The following SORCS1 variants were observed in gnomAD, a reference collection of about 807,000 sequenced individuals.
SORCS1 encodes VPS10 domain-containing receptor SorCS1.
In SORCS1, 60 loss-of-function variants were observed where a neutral mutation model predicts 146.1. The ratio of observed to expected loss-of-function variants is 0.41; its 90% CI spans 0.33 to 0.51. The LOEUF (loss-of-function observed/expected upper bound fraction) is 0.51, where lower values mean the gene tolerates loss of function less well. Ranked by LOEUF, SORCS1 falls within the 20% of genes least tolerant of loss-of-function variation. The probability of loss-of-function intolerance (pLI) is 0.21; values close to 1 mark genes in which losing one functional copy is unlikely to be tolerated. For missense variants in SORCS1, 1,352 were observed against 1,487.6 expected, an observed-to-expected ratio of 0.91 and a Z score of 1.50; for synonymous variants, 637 against 584.0, an observed-to-expected ratio of 1.09 and a Z score of -1.31.
intron 18 of SORCS1, among the ~76,000 whole-genome samples, chr10:106,632,595 C>T (rs906949243): frequency 1.3e-5 from 2 of 152,202 alleles, no homozygotes; most frequent in African/African-American, 4.8e-5. Context: ...TATTTATTGA[C>T]TGTCTATCTC....
At chr10:106,722,314 A>G (rs1855843098) in intron 6 of SORCS1, among the ~76,000 whole-genome samples, 1 of 152,050 alleles carries the variant, frequency 6.6e-6, no homozygotes, top group Non-Finnish European at 1.5e-5. Context: ...TACCTCCCCA[A>G]AGCATTTCAG....
intron 18 of SORCS1, among the ~76,000 whole-genome samples, chr10:106,638,594 G>T (rs1848867239): frequency 1.3e-5 from 2 of 152,162 alleles, no homozygotes; most frequent in Non-Finnish European, 2.9e-5. Flanking sequence ...GCATTATGCA[G>T]TCAATATGTT....
chr10:106,911,912 A>AC (rs1952178181), intron 2 of SORCS1, among the ~76,000 whole-genome samples: 1 of 152,070 alleles, frequency 6.6e-6, no homozygotes, highest in South Asian at 2.1e-4. Flanking sequence ...GGAGATCAAG[A>AC]CCATCCTGGC....
At chr10:106,639,079 G>A (rs561237845) in intron 18 of SORCS1, among the ~76,000 whole-genome samples, 75 of 152,294 alleles carry the variant, frequency 4.9e-4, no homozygotes, top group Admixed American at 2.6e-3. Flanking sequence ...GCTGTCATAG[G>A]TAGAGACTTA....
chr10:106,843,828 G>A (rs192758880), intron 2 of SORCS1, among the ~76,000 whole-genome samples: 10 of 152,194 alleles, frequency 6.6e-5, no homozygotes, highest in East Asian at 1.9e-4. Flanking sequence ...GGTTGTTTCC[G>A]TATCTTGGCT....
chr10:106,739,635 G>A (rs60016919), intron 5 of SORCS1, among the ~76,000 whole-genome samples: 4,633 of 151,636 alleles, frequency 0.031, 211 homozygotes, highest in African/African-American at 0.11. Flanking sequence ...ATGAAACCCC[G>A]TCTCTACTAA....
intron 3 of SORCS1, among the ~76,000 whole-genome samples, chr10:106,787,381 T>G (rs1407311420): frequency 6.6e-6 from 1 of 152,190 alleles, no homozygotes; most frequent in East Asian, 1.9e-4. Flanking sequence ...TGAAAGTGAA[T>G]GGTAAATGTA....
intron 2 of SORCS1, among the ~76,000 whole-genome samples, chr10:106,879,727 T>C (rs1473003563): frequency 6.6e-6 from 1 of 152,118 alleles, no homozygotes; most frequent in Non-Finnish European, 1.5e-5. Context: ...GTGGGTGGTG[T>C]GAAGGAGCAG....
chr10:106,914,213 A>G (rs1952302271), intron 2 of SORCS1, among the ~76,000 whole-genome samples: 1 of 152,240 alleles, frequency 6.6e-6, no homozygotes, highest in Non-Finnish European at 1.5e-5. Context: ...CTGGGTTTTA[A>G]AAACAAATTT....
intron 23 of SORCS1, among the ~76,000 whole-genome samples, chr10:106,603,008 T>A (rs1264163763): frequency 6.6e-6 from 1 of 152,144 alleles, no homozygotes; most frequent in Non-Finnish European, 1.5e-5. Context: ...GAAATATATA[T>A]ATTTTTGTGG....
At chr10:106,623,940 C>T (rs1036458576) in intron 19 of SORCS1, among the ~76,000 whole-genome samples, 1 of 152,094 alleles carries the variant, frequency 6.6e-6, no homozygotes, top group Non-Finnish European at 1.5e-5. Flanking sequence ...CACCTCGGCC[C>T]CCCCAAAGTG....
intron 3 of SORCS1, among the ~76,000 whole-genome samples, chr10:106,804,627 A>G (rs1169433971): frequency 6.6e-6 from 1 of 152,168 alleles, no homozygotes; most frequent in Non-Finnish European, 1.5e-5. Flanking sequence ...TTGAAAAAGG[A>G]AGACGAGAAT....
At chr10:106,939,334 G>A (rs551735251) in intron 2 of SORCS1, among the ~76,000 whole-genome samples, 2 of 152,326 alleles carry the variant, frequency 1.3e-5, no homozygotes, top group South Asian at 4.1e-4. Context: ...GTTTAGGATT[G>A]GAGATGGGGA....
intron 18 of SORCS1, among the ~76,000 whole-genome samples, chr10:106,645,630 C>T (rs1376285147): frequency 6.6e-6 from 1 of 152,028 alleles, no homozygotes; most frequent in Admixed American, 6.5e-5. Flanking sequence ...GTCATTTGTG[C>T]ATTTTCTGTT....
intron 2 of SORCS1, among the ~76,000 whole-genome samples, chr10:106,937,896 G>A (rs758650010): frequency 9.0e-4 from 137 of 151,618 alleles, no homozygotes; most frequent in Admixed American, 2.2e-3. Context: ...CTCGGGAGGC[G>A]GAGGTTGCAG....
At position 106,577,402 on chromosome 10, in the gene SORCS1, A is replaced by G; in HGVS notation, c.*18T>C. On this transcript the variant is annotated 3_prime_UTR_variant, in exon 26 of 26. Transcript: ENST00000263054. Reference sequence around the variant, plus strand: ...CTTTCCTGATCAGCAGGTCGCCTGTAGCCTTTGGGGGTTTTCCTTAAATTG... The same window carrying G: ...CTTTCCTGATCAGCAGGTCGCCTGTGGCCTTTGGGGGTTTTCCTTAAATTG... 9.9e-6 allele frequency: 16 copies of G among 1,613,822 alleles called. No homozygotes were observed. Among genetic ancestry groups the G allele is most frequent in the Non-Finnish European group, 1.4e-5 (16 of 1,179,746 alleles).
At chr10:106,859,029 C>A (rs997316677) in intron 2 of SORCS1, among the ~76,000 whole-genome samples, 3 of 152,224 alleles carry the variant, frequency 2.0e-5, no homozygotes, top group African/African-American at 7.2e-5. Context: ...GCAGCTCCCC[C>A]TCACAGATGC....
Position 106,658,059 on chromosome 10 carries a change from G to A in SORCS1, c.2304-5506C>T, listed in dbSNP as rs118007651. The stretch of plus-strand genomic sequence containing the variant: ...AAGTGACGTTCTTATTGCCAAGGTC[G>A]TCTTAAGATGAAATCCAATTATGTC... On this transcript the variant is annotated intron_variant, in intron 17 of 25. Transcript: ENST00000263054. Among the ~76,000 whole-genome samples the A allele has an allele frequency of 3.2e-4, 48 of 152,158 alleles. No individual in the cohort carries two copies. In the East Asian group the frequency reaches 4.8e-3, roughly 15 times the overall value.
intron 1 of SORCS1, among the ~76,000 whole-genome samples, chr10:107,096,624 G>C (rs1964560890): frequency 6.6e-6 from 1 of 152,140 alleles, no homozygotes; most frequent in Non-Finnish European, 1.5e-5. Context: ...CGATTCTCCT[G>C]CCTCAGCCTC....
Sources: gnomAD v4.1 joint callset for allele counts (sites outside exome capture counted in the v4.1 genomes callset) on GRCh38, gnomAD v4.1.1 for gene constraint, MANE v1.5 for transcripts, NCBI Gene and HGNC (gene_info 2026-07-23, HGNC 2026-07-21) for gene names.